The following EFHC2 variants were observed in gnomAD, a reference collection of about 807,000 sequenced individuals.
EFHC2 encodes the protein EF-hand domain-containing family member C2.
A neutral mutation model predicts 52.7 loss-of-function variants in EFHC2; 18 were observed. That is an observed-to-expected ratio of 0.34 (90% CI 0.24 to 0.51). The LOEUF (loss-of-function observed/expected upper bound fraction) is 0.51. Among genes scored for constraint, EFHC2 ranks in the 20% least tolerant of loss-of-function variants. EFHC2 has a pLI of 0.97. For missense variants in EFHC2, 513 were observed against 562.5 expected (o/e 0.91, Z 0.89); for synonymous variants, 203 against 204.1 (o/e 0.99, Z 0.04).
intron 3 of EFHC2, 91 bp downstream of exon 3, chrX:44,272,594 TA>T: frequency 2.1e-6 from 2 of 933,515 alleles, no homozygotes; most frequent in Non-Finnish European, 2.9e-6. Flanking sequence ...GCCTAAACAG[TA>T]GCATGCAGTC....
At chrX:44,247,918 A>G (rs1242102129) in intron 7 of EFHC2, among the ~76,000 whole-genome samples, 1 of 112,071 alleles carries the variant, frequency 8.9e-6, no homozygotes, top group African/African-American at 3.2e-5. Flanking sequence ...AAGAAGAAGT[A>G]AGTGAAAAGA....
intron 2 of EFHC2, among the ~76,000 whole-genome samples, chrX:44,289,961 G>A (rs1363664503): frequency 2.7e-5 from 3 of 112,058 alleles, no homozygotes; most frequent in Non-Finnish European, 3.8e-5. Context: ...GATTACAGGC[G>A]TGAGCCTCGG....
chrX:44,321,075 T>C (rs1025491743), intron 1 of EFHC2, among the ~76,000 whole-genome samples: 6 of 111,780 alleles, frequency 5.4e-5, no homozygotes, highest in African/African-American at 2.0e-4. Context: ...ACCAGGTTAA[T>C]AGAAGTAGAG....
chrX:44,310,111 C>T (rs2037935803), intron 2 of EFHC2: 2 of 702,382 alleles, frequency 2.8e-6, no homozygotes, highest in East Asian at 6.4e-5. Context: ...AAATATCTCT[C>T]CTCGGGCTTC....
At chrX:44,317,050 A>G (rs1474687424) in intron 1 of EFHC2, among the ~76,000 whole-genome samples, 1 of 112,245 alleles carries the variant, frequency 8.9e-6, no homozygotes, top group Non-Finnish European at 1.9e-5. Context: ...ATGAAAACTT[A>G]AGACAAAAGA....
chrX:44,312,159 G>A (rs1389652576), intron 2 of EFHC2, among the ~76,000 whole-genome samples: 2 of 112,126 alleles, frequency 1.8e-5, no homozygotes, highest in Non-Finnish European at 1.9e-5. Context: ...GGAGGAATAC[G>A]TTTAAGAGAT....
At chrX:44,279,997 C>A (rs928201251) in intron 2 of EFHC2, among the ~76,000 whole-genome samples, 1 of 104,091 alleles carries the variant, frequency 9.6e-6, no homozygotes, top group African/African-American at 3.6e-5. Flanking sequence ...CACCAGCCCC[C>A]CAACCCCCGC....
intron 6 of EFHC2, 33 bp from the exon 7 acceptor site, chrX:44,248,443 C>T: frequency 8.5e-7 from 1 of 1,177,509 alleles, no homozygotes; most frequent in African/African-American, 1.8e-5. Context: ...GCATTGGCAC[C>T]ATGGACCCTC....
At position 44,340,915 on chromosome X, in the gene EFHC2, G is replaced by A. The variant is rs888807215; in HGVS notation, c.42+2632C>T. Among the ~76,000 whole-genome samples the A allele has an allele frequency of 2.7e-5, 3 of 111,891 alleles. No homozygotes were observed. In the South Asian group the frequency reaches 1.1e-3, roughly 41 times the overall value. On this transcript the variant is annotated intron_variant, in intron 1 of 14. Coordinates refer to ENST00000420999, the MANE Select transcript of EFHC2 (RefSeq NM_025184.4). ...CAGCATCTACTACAGCTGAACATAC[G>A]AATACTGTATGATCTAGCAATCCTA...
rs749061620 is a variant in EFHC2, at chrX:44,242,323, A to AT, written c.1112-35dup. The AT allele has an allele frequency of 5.5e-5, 65 of 1,174,365 alleles. No individual in the cohort carries two copies. In the East Asian group the frequency reaches 1.3e-3, roughly 23 times the overall value. ...AAACAAAGGCAAACAAAACATCAAT[A>AT]TTTTTTTTGCCCTGATTATGGCTGT... On this transcript the variant is annotated intron_variant, in intron 7 of 14. Coordinates refer to ENST00000420999, the MANE Select transcript of EFHC2 (RefSeq NM_025184.4).
At chrX:44,305,584 A>C (rs955959962) in intron 2 of EFHC2, among the ~76,000 whole-genome samples, 3 of 112,718 alleles carry the variant, frequency 2.7e-5, no homozygotes, top group African/African-American at 9.7e-5. Context: ...GTTGCACCGA[A>C]GGCAAGTGCC....
rs1384293250 is a variant in EFHC2 at position 44,343,616 on chromosome X, C to A, written c.-28G>T. Reference sequence around the variant, plus strand: ...CGCTCAGTGTCCGAAAATCCAGGGTCCCAGAAGAGAGGGCCCGGCAGGCAG... The same window carrying A: ...CGCTCAGTGTCCGAAAATCCAGGGTACCAGAAGAGAGGGCCCGGCAGGCAG... On this transcript the variant is annotated 5_prime_UTR_variant, in exon 1 of 15. Transcript: ENST00000420999. 2.6e-6 allele frequency: 3 copies of A among 1,160,802 alleles called. No homozygotes were observed. The South Asian group carries it at 5.7e-5, about 22-fold the overall frequency.
intron 2 of EFHC2, among the ~76,000 whole-genome samples, chrX:44,302,733 G>T: frequency 8.9e-6 from 1 of 111,851 alleles, no homozygotes; most frequent in Non-Finnish European, 1.9e-5. Flanking sequence ...TTGCAATTAC[G>T]TTGTCTTATA....
chrX:44,323,097 A>C (rs2038032253), intron 1 of EFHC2, among the ~76,000 whole-genome samples: 1 of 112,264 alleles, frequency 8.9e-6, no homozygotes. Context: ...TTATAGATTT[A>C]TCTCCACTTT....
chrX:44,186,078 T>C (rs1252725812), intron 11 of EFHC2, among the ~76,000 whole-genome samples: 2 of 111,550 alleles, frequency 1.8e-5, no homozygotes, highest in African/African-American at 3.3e-5. Flanking sequence ...TGTTTTGACA[T>C]GTAGTGGAAT....
chrX:44,251,286 G>A (rs1195446122), intron 4 of EFHC2, among the ~76,000 whole-genome samples: 4 of 95,840 alleles, frequency 4.2e-5, no homozygotes, highest in Non-Finnish European at 8.2e-5. Flanking sequence ...AAACAAGTTT[G>A]AGGAAGTTTT....
intron 4 of EFHC2, among the ~76,000 whole-genome samples, chrX:44,260,396 C>T (rs984771046): frequency 9.0e-6 from 1 of 111,555 alleles, no homozygotes; most frequent in Non-Finnish European, 1.9e-5. Flanking sequence ...ACCTTCCACC[C>T]CCCTTTGAGT....
At chrX:44,281,325 TTAATA>T (rs759090427) in intron 2 of EFHC2, among the ~76,000 whole-genome samples, 2 of 112,566 alleles carry the variant, frequency 1.8e-5, no homozygotes, top group Admixed American at 9.4e-5. Context: ...ACTTTATACC[TTAATA>T]TAATAGTTCA....
At chrX:44,230,702 T>C (rs1052565032) in intron 10 of EFHC2, among the ~76,000 whole-genome samples, 10 of 111,254 alleles carry the variant, frequency 9.0e-5, no homozygotes, top group African/African-American at 2.6e-4. Context: ...CCTGCTTTTA[T>C]TGTCCTCAAA....
Sources: allele counts gnomAD v4.1 joint callset (sites outside exome capture counted in the v4.1 genomes callset), GRCh38; gene constraint gnomAD v4.1.1; transcripts MANE v1.5; gene names NCBI Gene and HGNC (gene_info 2026-07-23, HGNC 2026-07-21).